Variants in ANKRD28 observed in about 807,000 individuals in gnomAD.
ANKRD28 encodes ankyrin repeat domain 28.
Under a neutral mutation model 126.5 loss-of-function variants are expected in ANKRD28, and 44 were observed. That is an observed-to-expected ratio of 0.35 (90% confidence interval 0.27 to 0.45). The LOEUF (loss-of-function observed/expected upper bound fraction) is 0.45. Ranked by LOEUF, ANKRD28 falls within the 20% of genes least tolerant of loss-of-function variation. The pLI is 1.00. For missense variants in ANKRD28, 1,110 were observed against 1,316.6 expected (o/e 0.84, Z 2.43); for synonymous variants, 442 against 468.5 (o/e 0.94, Z 0.73).
At chr3:15,831,911 A>G (rs2061201423) in intron 1 of ANKRD28, among the ~76,000 whole-genome samples, 1 of 152,218 alleles carries the variant, frequency 6.6e-6, no homozygotes, top group Non-Finnish European at 1.5e-5. Flanking sequence ...CAGAGGGAAG[A>G]TAGACTAGTT....
chr3:15,689,443 C>A (rs1281256279), intron 18 of ANKRD28, among the ~76,000 whole-genome samples: 2 of 152,212 alleles, frequency 1.3e-5, no homozygotes, highest in African/African-American at 4.8e-5. Flanking sequence ...CCCTGAGGGG[C>A]CCCTAAAATT....
intron 1 of ANKRD28, among the ~76,000 whole-genome samples, chr3:15,850,326 T>C (rs1387614258): frequency 6.7e-6 from 1 of 150,110 alleles, no homozygotes; most frequent in Non-Finnish European, 1.5e-5. Flanking sequence ...GCCCTAAATG[T>C]AAGAGCTAAA....
intron 21 of ANKRD28, chr3:15,684,268 A>G (rs539265616): frequency 2.6e-5 from 4 of 152,318 alleles, no homozygotes; most frequent in African/African-American, 9.6e-5. Context: ...TAACATCTAT[A>G]ACTTCAAAGT....
At chr3:15,842,468 G>T (rs2061443594) in intron 1 of ANKRD28, among the ~76,000 whole-genome samples, 1 of 151,862 alleles carries the variant, frequency 6.6e-6, no homozygotes, top group East Asian at 1.9e-4. Context: ...GGTGGGGAGG[G>T]TTAATGGGTA....
rs2074644178 is a variant in ANKRD28, at chr3:15,731,877, G to GAA, written c.640+3532_640+3533insTT. The GAA allele has an allele frequency of 1.5e-4, 14 of 94,406 alleles. 1 individual carries two copies. The South Asian group carries it at 1.7e-3, about 12-fold the overall frequency. 5.8% of individuals were successfully genotyped at this position (94,406 alleles called of 1,614,324 possible). A position where few individuals can be genotyped will look rare whatever the true frequency, so the allele number is the denominator to read the frequency against. On this transcript the variant is annotated intron_variant, in intron 6 of 27. Coordinates refer to ENST00000683139, the MANE Select transcript of ANKRD28 (RefSeq NM_001349278.2). Reference sequence around the variant, plus strand: ...AAAAAAAAAAAAAAAAAAAAAAAGGGGGGGGGGGTGTGTGGGGAGGGGACA... The same window carrying GAA: ...AAAAAAAAAAAAAAAAAAAAAAAGGGAAGGGGGGGGTGTGTGGGGAGGGGACA...
chr3:15,677,711 T>C (rs558059411), intron 24 of ANKRD28, 149 bp from the exon 25 acceptor site: 5 of 494,160 alleles, frequency 1.0e-5, no homozygotes, highest in East Asian at 9.5e-5. Flanking sequence ...ATATAACATA[T>C]ATATCTTCAT....
Position 15,670,332 on chromosome 3 carries a change from C to T in ANKRD28, c.3190G>A (p.Glu1064Lys). 6.2e-7 allele frequency: 1 copy of T among 1,613,240 alleles called. No homozygotes were observed. Among genetic ancestry groups the T allele is most frequent in the Non-Finnish European group, 8.5e-7 (1 of 1,179,548 alleles). Residue 1064 changes from glutamate (E) to lysine (K), a missense_variant, in exon 28 of 28, where the codon GAA (glutamate) becomes AAA (lysine). Glu to Lys is a moderately conservative substitution (Grantham distance 56). Coordinates refer to ENST00000683139, the MANE Select transcript of ANKRD28 (RefSeq NM_001349278.2). Reference sequence around the variant, plus strand: ...ACGTCAGTGTATAAGTACTCCTGTTCCCCTCCAATGTTATTGAAACTGCAA... The same window carrying T: ...ACGTCAGTGTATAAGTACTCCTGTTTCCCTCCAATGTTATTGAAACTGCAA... ...SYCSFNNIGG[E>K]QEYLYTDVDE...
intron 1 of ANKRD28, among the ~76,000 whole-genome samples, chr3:15,810,262 C>A (rs60890585): frequency 0.14 from 20,779 of 151,458 alleles, 2,141 homozygotes; most frequent in East Asian, 0.58. Context: ...ACTGGGACAA[C>A]TTCTCTGGGA....
chr3:15,820,519 C>A (rs1345160), intron 1 of ANKRD28, among the ~76,000 whole-genome samples: 1 of 151,956 alleles, frequency 6.6e-6, no homozygotes, highest in East Asian at 1.9e-4. Flanking sequence ...GGAAGGGGAA[C>A]GTAGTAGAGA....
intron 17 of ANKRD28, among the ~76,000 whole-genome samples, chr3:15,693,565 A>C (rs540179387): frequency 9.2e-5 from 14 of 152,166 alleles, no homozygotes; most frequent in Non-Finnish European, 1.8e-4. Flanking sequence ...TGGCACCTAG[A>C]AAGTGCTCAA....
chr3:15,713,096 TG>T (rs753551270), intron 10 of ANKRD28, among the ~76,000 whole-genome samples: 98 of 151,938 alleles, frequency 6.4e-4, no homozygotes, highest in Non-Finnish European at 1.1e-3. Context: ...AAAATGGGGG[TG>T]GGGGTAAGAA....
At position 15,668,306 on chromosome 3, in the gene ANKRD28, C is replaced by T. The variant is rs932061559; in HGVS notation, c.*1964G>A. 15 of 151,582 alleles carry T rather than the reference C, an allele frequency of 9.9e-5. No individual in the cohort carries two copies. The highest frequency in any genetic ancestry group is 3.6e-4 in the African/African-American group (15 of 41,318). 9.4% of individuals were successfully genotyped at this position (151,582 alleles called of 1,614,324 possible). ...CCTCAGGGAATTCAGAAGAGAATTC[C>T]TAAAAGGAAAGAGAAAGCACACATA... is the stretch of plus-strand genomic sequence containing the variant. On this transcript the variant is annotated 3_prime_UTR_variant, in exon 28 of 28. Coordinates refer to ENST00000683139, the MANE Select transcript of ANKRD28 (RefSeq NM_001349278.2).
chr3:15,690,591 G>T (rs2068658138), intron 17 of ANKRD28, among the ~76,000 whole-genome samples: 1 of 152,078 alleles, frequency 6.6e-6, no homozygotes, highest in Non-Finnish European at 1.5e-5. Flanking sequence ...TTGAGACAGG[G>T]TCTTGCTCTG....
chr3:15,796,304 T>C, intron 1 of ANKRD28, 101 bp downstream of exon 1: 2 of 672,290 alleles, frequency 3.0e-6, no homozygotes, highest in Non-Finnish European at 4.0e-6. Context: ...TAATTTGGGT[T>C]TGTAAAGAAA....
intron 2 of ANKRD28, among the ~76,000 whole-genome samples, chr3:15,792,104 A>G (rs534103776): frequency 6.6e-6 from 1 of 151,678 alleles, no homozygotes; most frequent in Non-Finnish European, 1.5e-5. Context: ...TGTAAAGAAA[A>G]GGGAACCCTT....
chr3:15,796,575 A>G lies in ANKRD28; in HGVS notation c.-54T>C. 4 of 1,239,344 alleles carry G rather than the reference A, an allele frequency of 3.2e-6. No individual in the cohort carries two copies. In the Admixed American group the frequency reaches 1.0e-4, roughly 32 times the overall value. 76.8% of individuals were successfully genotyped at this position (1,239,344 alleles called of 1,614,324 possible). On this transcript the variant is annotated 5_prime_UTR_variant, in exon 1 of 28. Coordinates refer to ENST00000683139, the MANE Select transcript of ANKRD28 (RefSeq NM_001349278.2). ...CTATGTGATAAAAGTCACAGTTGGA[A>G]GAGCACAAGTAGTTTTTCCTCCTCT...
At chr3:15,852,477 G>T (rs1334969466) in intron 1 of ANKRD28, among the ~76,000 whole-genome samples, 2 of 152,162 alleles carry the variant, frequency 1.3e-5, no homozygotes, top group Admixed American at 6.5e-5. Context: ...CTGAGGAATA[G>T]AAAATACATA....
At chr3:15,826,473 T>A (rs980945505) in intron 1 of ANKRD28, among the ~76,000 whole-genome samples, 1 of 152,196 alleles carries the variant, frequency 6.6e-6, no homozygotes, top group African/African-American at 2.4e-5. Context: ...TGTTTATGGA[T>A]ATGTAAACAC....
At chr3:15,826,246 T>G (rs1200970375) in intron 1 of ANKRD28, among the ~76,000 whole-genome samples, 1 of 152,230 alleles carries the variant, frequency 6.6e-6, no homozygotes. Context: ...ACTATTATTT[T>G]TATTTGTATA....
Sources: gnomAD v4.1 joint callset for allele counts (sites outside exome capture counted in the v4.1 genomes callset) on GRCh38, gnomAD v4.1.1 for gene constraint, MANE v1.5 for transcripts, NCBI Gene and HGNC (gene_info 2026-07-23, HGNC 2026-07-21) for gene names.